MCF2L: variants seen among roughly 807,000 people sequenced by gnomAD.
MCF2L encodes guanine nucleotide exchange factor DBS.
In MCF2L, 97 loss-of-function variants were observed where a neutral mutation model predicts 153.4. That is an observed-to-expected ratio of 0.63 (90% CI 0.54 to 0.75). The LOEUF (loss-of-function observed/expected upper bound fraction) is 0.75, where lower values mean the gene tolerates loss of function less well. MCF2L is among the 30% of genes least tolerant of loss of function. The probability of loss-of-function intolerance (pLI) is 0.00; values close to 1 mark genes in which losing one functional copy is unlikely to be tolerated. For synonymous variants in MCF2L, 659 were observed against 632.2 expected (o/e 1.04, Z -0.64); for missense variants, 1,347 against 1,495.2 (o/e 0.90, Z 1.64).
chr13:112,913,958 T>G (rs1441732953), intron 2 of MCF2L, among the ~76,000 whole-genome samples: 2 of 152,194 alleles, frequency 1.3e-5, no homozygotes, highest in Admixed American at 6.5e-5. Context: ...AGCCCCCCAA[T>G]GCCTGCACCT....
chr13:112,938,552 T>C (rs1370274255), intron 2 of MCF2L, among the ~76,000 whole-genome samples: 1 of 152,246 alleles, frequency 6.6e-6, no homozygotes, highest in Non-Finnish European at 1.5e-5. Context: ...TGCGGCAGCA[T>C]TGACGGCAGA....
chr13:112,977,137 C>T (rs148140154), intron 1 of MCF2L, among the ~76,000 whole-genome samples: 1,569 of 152,302 alleles, frequency 0.01, 35 homozygotes, highest in African/African-American at 0.036. Context: ...CCCTACTCCA[C>T]GACTAATGGA....
rs143543149 is a variant in MCF2L at position 113,072,781 on chromosome 13, C to T, written c.997-1663C>T. ...TTGAGATGTATCACTCCTCATCTTT[C>T]CAAAGAACTCGTTCTTTGTTTCATT... On this transcript the variant is annotated intron_variant, in intron 9 of 29. Transcript: ENST00000535094. 6.8e-3 allele frequency among the ~76,000 whole-genome samples: 1,039 copies of T among 152,112 alleles called. 6 individuals carry two copies. Among genetic ancestry groups the T allele is most frequent in the Non-Finnish European group, 0.011 (756 of 67,992 alleles).
chr13:112,928,235 G>A (rs563224803), intron 2 of MCF2L, among the ~76,000 whole-genome samples: 23 of 152,318 alleles, frequency 1.5e-4, no homozygotes, highest in African/African-American at 4.8e-4. Flanking sequence ...GTGCACCAAC[G>A]TTGTTGCAGT....
In MCF2L at chr13:113,007,016, G is replaced by A. The variant is rs558559578; in HGVS notation, c.80-7747G>A. 8.8e-4 allele frequency among the ~76,000 whole-genome samples: 134 copies of A among 152,278 alleles called. 1 individual carries two copies. The highest frequency in any genetic ancestry group is 2.8e-3 in the African/African-American group (118 of 41,546). Reference sequence around the variant, plus strand: ...TCTCTGAACTCTGGAAGGAACCTGCGTCCCTCATCCTGAAACCCGGCCTCC... The same window carrying A: ...TCTCTGAACTCTGGAAGGAACCTGCATCCCTCATCCTGAAACCCGGCCTCC... On this transcript the variant is annotated intron_variant, in intron 1 of 29. Transcript: ENST00000535094.
chr13:112,902,179 T>G, intron 1 of MCF2L: 9 of 1,608,534 alleles, frequency 5.6e-6, no homozygotes, highest in Non-Finnish European at 7.6e-6. Flanking sequence ...CATCGTGCTT[T>G]TAAAATCTTT....
intron 3 of MCF2L, among the ~76,000 whole-genome samples, chr13:113,029,703 G>A (rs114915605): frequency 1.3e-5 from 2 of 152,210 alleles, no homozygotes; most frequent in African/African-American, 4.8e-5. Flanking sequence ...GCTCGGTCCC[G>A]GGACATCCCT....
intron 8 of MCF2L, among the ~76,000 whole-genome samples, chr13:113,066,700 C>A (rs1479093147): frequency 6.6e-6 from 1 of 152,022 alleles, no homozygotes; most frequent in East Asian, 1.9e-4. Flanking sequence ...CCCCTCACCC[C>A]CCGAGAACTC....
At chr13:113,082,699 GT>G (rs1310636820) in intron 17 of MCF2L, among the ~76,000 whole-genome samples, 157 bp downstream of exon 17, 1 of 152,214 alleles carries the variant, frequency 6.6e-6, no homozygotes, top group Admixed American at 6.5e-5. Context: ...TTGAGTGTGG[GT>G]ACATGGGGCC....
intron 3 of MCF2L, among the ~76,000 whole-genome samples, chr13:113,029,730 G>A (rs575526038): frequency 2.6e-4 from 40 of 152,216 alleles, no homozygotes; most frequent in African/African-American, 9.6e-4. Flanking sequence ...CCAAGAGAGG[G>A]AGGGGAGCTT....
intron 2 of MCF2L, among the ~76,000 whole-genome samples, chr13:112,938,237 G>GGGGTTGGTTCAGGTGAGCGCTGAT (rs71101539): frequency 7.8e-6 from 1 of 127,610 alleles, no homozygotes; most frequent in Non-Finnish European, 1.7e-5. Flanking sequence ...TGAGCGCTGA[G>GGGGTTGGTTCAGGTGAGCGCTGAT]GGGTTGGTTC....
At chr13:112,977,113 G>C (rs919515277) in intron 1 of MCF2L, among the ~76,000 whole-genome samples, 1 of 152,160 alleles carries the variant, frequency 6.6e-6, no homozygotes, top group African/African-American at 2.4e-5. Flanking sequence ...ATTTAAGACC[G>C]GCCCTAAACA....
In MCF2L at chr13:112,969,951, GA is replaced by G. The variant is rs2081982816; in HGVS notation, c.79+494del. On this transcript the variant is annotated intron_variant, in intron 1 of 29. Transcript: ENST00000535094. This position sits in a 1 kb window ranked among gnomAD's most constrained non-coding sequence, Gnocchi z 4.8. Reference sequence around the variant, plus strand: ...ATTTAAACCTAAGACAGATGTTTGAGACGGTATGGGTAAAGAGTGGACTGGA... The same window carrying G: ...ATTTAAACCTAAGACAGATGTTTGAGCGGTATGGGTAAAGAGTGGACTGGA... Among the ~76,000 whole-genome samples, 1 of 152,196 alleles carries G rather than the reference GA, an allele frequency of 6.6e-6. No homozygotes were observed. The highest frequency in any genetic ancestry group is 6.5e-5 in the Admixed American group (1 of 15,288).
intron 1 of MCF2L, among the ~76,000 whole-genome samples, chr13:112,980,669 T>TCCCCTTTCCCCCGCCTTCCCCTTTTCCCC (rs1594460638): frequency 6.8e-6 from 1 of 148,020 alleles, no homozygotes; most frequent in Non-Finnish European, 1.5e-5. Flanking sequence ...TCCCCCGCCT[T>TCCCCTTTCCCCCGCCTTCCCCTTTTCCCC]GGGCACGGAC....
intron 8 of MCF2L, among the ~76,000 whole-genome samples, chr13:113,067,209 C>T (rs529066154): frequency 1.4e-4 from 21 of 152,002 alleles, no homozygotes; most frequent in Admixed American, 3.3e-4. Flanking sequence ...CCCAGCTACG[C>T]GGAGGCAGAG....
At chr13:113,075,554 C>T (rs1310460120) in intron 11 of MCF2L, among the ~76,000 whole-genome samples, 2 of 152,142 alleles carry the variant, frequency 1.3e-5, no homozygotes, top group South Asian at 2.1e-4. Context: ...AGGCTGGTCT[C>T]GAACTCCTGG....
At chr13:112,929,587 G>A (rs1566644575) in intron 2 of MCF2L, among the ~76,000 whole-genome samples, 1 of 152,180 alleles carries the variant, frequency 6.6e-6, no homozygotes, top group Non-Finnish European at 1.5e-5. Context: ...AGTGCATGGA[G>A]TCTGCCCCTG....
In MCF2L at chr13:113,025,496, C is replaced by T. The variant is rs79256025; in HGVS notation, c.278+738C>T. 3.1e-4 allele frequency among the ~76,000 whole-genome samples: 12 copies of T among 39,000 alleles called. 2 individuals are homozygous for T. The highest frequency in any genetic ancestry group is 3.8e-4 in the Non-Finnish European group (8 of 20,894). 25.6% of individuals were successfully genotyped at this position (39,000 alleles called of 152,430 possible). ...TGGTGGGGTCCCCGTGACTGTGGGT[C>T]GGGGCAGAGTCTCTGTGAGGTTTCA... On this transcript the variant is annotated intron_variant, in intron 3 of 29. Transcript: ENST00000535094.
At chr13:113,082,198 C>T (rs2034208340) in intron 16 of MCF2L, among the ~76,000 whole-genome samples, 1 of 152,214 alleles carries the variant, frequency 6.6e-6, no homozygotes, top group Non-Finnish European at 1.5e-5. Flanking sequence ...ACACCTGAAT[C>T]ATAAAAGGTT....
Sources: allele counts gnomAD v4.1 joint callset (sites outside exome capture counted in the v4.1 genomes callset), GRCh38; gene constraint gnomAD v4.1.1; non-coding constraint Gnocchi (gnomAD v3.1); transcripts MANE v1.5; gene names NCBI Gene and HGNC (gene_info 2026-07-23, HGNC 2026-07-21).